SLC5A4: variants seen among roughly 807,000 people sequenced by gnomAD.
SLC5A4 encodes the protein solute carrier family 5 member 4, also known as probable glucose sensor protein SLC5A4.
Under a neutral mutation model 70.3 loss-of-function variants are expected in SLC5A4, and 55 were observed. The observed-to-expected ratio is 0.78, with a 90% CI of 0.63 to 0.98. SLC5A4 has a LOEUF of 0.98. Among genes scored for constraint, SLC5A4 ranks in the 50% least tolerant of loss-of-function variants. The probability of loss-of-function intolerance (pLI) is 0.00; values close to 1 mark genes in which losing one functional copy is unlikely to be tolerated. For synonymous variants in SLC5A4, 268 were observed against 305.7 expected, an observed-to-expected ratio of 0.88 and a Z score of 1.29; for missense variants, 735 against 839.2, an observed-to-expected ratio of 0.88 and a Z score of 1.53.
At chr22:32,316,934 C>CTCTGTGTGTGTGTG in the SLC5A4 span, among the ~76,000 whole-genome samples, 259 of 148,726 alleles carry the variant, frequency 1.7e-3, 1 homozygote, top group African/African-American at 6.1e-3. Flanking sequence ...ATTAACAACT[C>CTCTGTGTGTGTGTG]TGTGTGTGTG....
At chr22:32,308,788 TTG>T in the SLC5A4 span, among the ~76,000 whole-genome samples, 683 of 152,266 alleles carry the variant, frequency 4.5e-3, 4 homozygotes, top group Middle Eastern at 0.01. Flanking sequence ...GGGCATGTGC[TTG>T]TGTGTCCATG....
the SLC5A4 span, among the ~76,000 whole-genome samples, chr22:32,329,499 G>A: frequency 2.7e-5 from 4 of 149,936 alleles, no homozygotes; most frequent in South Asian, 2.2e-4. Flanking sequence ...GGGAGGGGAC[G>A]AGGCAGTGGG....
chr22:32,267,745 A>G, the SLC5A4 span, among the ~76,000 whole-genome samples: 11 of 152,234 alleles, frequency 7.2e-5, no homozygotes, highest in African/African-American at 2.4e-4. Context: ...CTCAATTCTG[A>G]TATGCCCCAT....
chr22:32,334,080 AGAC>A, the SLC5A4 span, among the ~76,000 whole-genome samples: 34 of 149,868 alleles, frequency 2.3e-4, 1 homozygote, highest in South Asian at 1.9e-3. Context: ...ACACTATGCC[AGAC>A]AACACACACA....
At chr22:32,331,196 T>C in the SLC5A4 span, among the ~76,000 whole-genome samples, 1 of 112,488 alleles carries the variant, frequency 8.9e-6, no homozygotes, top group Non-Finnish European at 1.8e-5. Flanking sequence ...TTGGGGGCTC[T>C]GGTGTGTGTA....
At chr22:32,254,079 C>G (rs1927327570) in intron 2 of SLC5A4, 63 bp downstream of exon 2, 2 of 1,300,876 alleles carry the variant, frequency 1.5e-6, no homozygotes, top group African/African-American at 2.9e-5. Context: ...CCGCACCCAG[C>G]CTACATTCAG....
At chr22:32,305,987 A>G in the SLC5A4 span, among the ~76,000 whole-genome samples, 5 of 152,094 alleles carry the variant, frequency 3.3e-5, no homozygotes, top group Non-Finnish European at 7.4e-5. Context: ...TCACGTGCCC[A>G]GTTCCCCCTA....
intron 3 of SLC5A4, among the ~76,000 whole-genome samples, chr22:32,251,149 CAAAAAAAAAAAAAAAA>C: frequency 4.4e-5 from 1 of 22,768 alleles, no homozygotes; most frequent in East Asian, 2.3e-3. Context: ...AACAAATAAG[CAAAAAAAAAAAAAAAA>C]AAAAAAAAAA....
chr22:32,292,637 A>G, the SLC5A4 span, among the ~76,000 whole-genome samples: 4 of 151,980 alleles, frequency 2.6e-5, no homozygotes, highest in Non-Finnish European at 5.9e-5. Context: ...TTCTATCTTA[A>G]TGGCATTGTG....
At chr22:32,317,501 C>T in the SLC5A4 span, among the ~76,000 whole-genome samples, 479 of 152,152 alleles carry the variant, frequency 3.1e-3, 3 homozygotes, top group African/African-American at 0.011. Flanking sequence ...CTTGCTCTGT[C>T]ACCCTAGCTG....
chr22:32,272,347 T>C, the SLC5A4 span: 19 of 848,286 alleles, frequency 2.2e-5, no homozygotes, highest in Middle Eastern at 2.2e-4. Context: ...CCACCTGGTG[T>C]CGGCCATCAG....
the SLC5A4 span, among the ~76,000 whole-genome samples, chr22:32,308,727 A>T: frequency 3.3e-5 from 5 of 151,980 alleles, no homozygotes; most frequent in African/African-American, 1.2e-4. Context: ...AGAGCATTGG[A>T]GACAGCAAGA....
At chr22:32,328,778 C>G in the SLC5A4 span, among the ~76,000 whole-genome samples, 5 of 152,224 alleles carry the variant, frequency 3.3e-5, no homozygotes, top group African/African-American at 9.6e-5. Context: ...TTACACAGCA[C>G]CAGCTAGCTA....
rs560300872 is a variant in SLC5A4 at position 32,232,561 on chromosome 22, C to T, written c.1021+338G>A. Reference sequence around the variant, plus strand: ...GAGATGTCACCAAACTCAGACAGTACGGCTCACTCAACTCAAATTAACCCA... The same window carrying T: ...GAGATGTCACCAAACTCAGACAGTATGGCTCACTCAACTCAAATTAACCCA... On this transcript the variant is annotated intron_variant, in intron 9 of 14. Transcript: ENST00000266086. Among the ~76,000 whole-genome samples, 21 of 152,236 alleles carry T rather than the reference C, an allele frequency of 1.4e-4. 1 individual carries two copies. In the South Asian group the frequency reaches 1.7e-3, roughly 12 times the overall value.
intron 11 of SLC5A4, among the ~76,000 whole-genome samples, chr22:32,226,920 C>T (rs1925434397): frequency 6.6e-6 from 1 of 152,008 alleles, no homozygotes; most frequent in Admixed American, 6.6e-5. Context: ...AAGCAACCCT[C>T]GTTTTTCCTT....
the SLC5A4 span, among the ~76,000 whole-genome samples, chr22:32,328,083 GCCC>G: frequency 4.5e-5 from 6 of 133,338 alleles, no homozygotes; most frequent in Non-Finnish European, 8.9e-5. Context: ...ACACACCAGA[GCCC>G]CCAACACACA....
intron 9 of SLC5A4, 64 bp from the exon 10 acceptor site, chr22:32,231,139 C>A: frequency 1.0e-6 from 1 of 954,118 alleles, no homozygotes; most frequent in Non-Finnish European, 1.7e-6. Flanking sequence ...AACCATTAAA[C>A]AAAGAGAAAA....
chr22:32,236,853 C>T (rs575696220), intron 7 of SLC5A4, among the ~76,000 whole-genome samples: 5 of 151,858 alleles, frequency 3.3e-5, no homozygotes, highest in Admixed American at 1.3e-4. Context: ...TACAAGCGCG[C>T]GCCACCACGC....
chr22:32,324,247 G>GTATATATACACACATTATGTATATA, the SLC5A4 span, among the ~76,000 whole-genome samples: 22 of 136,670 alleles, frequency 1.6e-4, no homozygotes, highest in Admixed American at 2.3e-4. Context: ...ATATGTATGT[G>GTATATATACACACATTATGTATATA]TATATATACA....
Sources: allele counts gnomAD v4.1 joint callset (sites outside exome capture counted in the v4.1 genomes callset), GRCh38; gene constraint gnomAD v4.1.1; transcripts MANE v1.5; gene names NCBI Gene and HGNC (gene_info 2026-07-23, HGNC 2026-07-21).